ME1: variants seen among roughly 807,000 people sequenced by gnomAD.
ME1 encodes the protein malic enzyme 1.
ME1 carries 74 observed loss-of-function variants against 66.4 expected under a neutral mutation model. That is an observed-to-expected ratio of 1.11 (90% CI 0.92 to 1.35). The LOEUF is 1.35. Ranked by LOEUF, ME1 falls within the 40% of genes most tolerant of loss-of-function variation. ME1 has a pLI of 0.00. For missense variants in ME1, 750 were observed against 694.1 expected, an observed-to-expected ratio of 1.08 and a Z score of -0.90; for synonymous variants, 251 against 235.6, an observed-to-expected ratio of 1.07 and a Z score of -0.60.
At chr6:83,343,652 G>A (rs1247977291) in intron 5 of ME1, among the ~76,000 whole-genome samples, 2 of 152,150 alleles carry the variant, frequency 1.3e-5, no homozygotes, top group Non-Finnish European at 2.9e-5. Context: ...TAGATCTACA[G>A]CTGGTTAAAG....
At chr6:83,306,582 A>G (rs1767828724) in intron 6 of ME1, among the ~76,000 whole-genome samples, 1 of 152,116 alleles carries the variant, frequency 6.6e-6, no homozygotes, top group Admixed American at 6.6e-5. Flanking sequence ...ATTAAAACTC[A>G]AATCTTTAGT....
intron 3 of ME1, among the ~76,000 whole-genome samples, chr6:83,376,804 C>CAAAAAA (rs70987750): frequency 1.8e-4 from 16 of 87,132 alleles, no homozygotes; most frequent in Non-Finnish European, 1.5e-4. Flanking sequence ...CCCTGTCTCA[C>CAAAAAA]AAAAAAAAAA....
Position 83,216,615 on chromosome 6 carries a change from A to G in ME1, c.1450-19T>C. The G allele has an allele frequency of 6.5e-7, 1 of 1,542,148 alleles. No individual in the cohort carries two copies. The highest frequency in any genetic ancestry group is 8.8e-7 in the Non-Finnish European group (1 of 1,136,722). ...CTATAACCTTATGAAAAAAAGAAAGAAAAAAAGTGTTTATACTTCACACGA... is the reference window on the plus strand; with the variant it reads ...CTATAACCTTATGAAAAAAAGAAAGGAAAAAAGTGTTTATACTTCACACGA... On this transcript the variant is annotated intron_variant, in intron 12 of 13. Transcript: ENST00000369705.
chr6:83,219,217 G>A (rs1349812956), intron 12 of ME1, among the ~76,000 whole-genome samples: 2 of 152,174 alleles, frequency 1.3e-5, no homozygotes, highest in South Asian at 4.1e-4. Flanking sequence ...GTTCTGCAAA[G>A]GAGATGTGGC....
intron 3 of ME1, among the ~76,000 whole-genome samples, chr6:83,362,053 C>T (rs1347912512): frequency 2.0e-5 from 3 of 152,136 alleles, no homozygotes; most frequent in East Asian, 3.9e-4. Flanking sequence ...AGATAACACC[C>T]GAAAGTGGAC....
At chr6:83,263,527 C>CA (rs1325734800) in intron 6 of ME1, among the ~76,000 whole-genome samples, 4 of 151,872 alleles carry the variant, frequency 2.6e-5, no homozygotes, top group South Asian at 2.1e-4. Flanking sequence ...GATAAGAAAG[C>CA]AAAAAAAGTC....
intron 1 of ME1, among the ~76,000 whole-genome samples, chr6:83,429,953 C>T (rs1770452190): frequency 6.6e-6 from 1 of 151,996 alleles, no homozygotes; most frequent in African/African-American, 2.4e-5. Flanking sequence ...GGAACAATCC[C>T]GAGACAAACC....
chr6:83,409,705 G>A (rs544471827), intron 1 of ME1, among the ~76,000 whole-genome samples: 191 of 152,296 alleles, frequency 1.3e-3, no homozygotes, highest in African/African-American at 4.5e-3. Context: ...TGCAAGAGCG[G>A]GCTGGGACCA....
rs35205380 is a variant in ME1 at position 83,300,610 on chromosome 6, C to CTTTTTTTTTTT, written c.704+14689_704+14699dup. Among the ~76,000 whole-genome samples, 87 of 84,950 alleles carry CTTTTTTTTTTT rather than the reference C, an allele frequency of 1.0e-3. 3 individuals are homozygous for CTTTTTTTTTTT. The highest frequency in any genetic ancestry group is 1.8e-3 in the African/African-American group (39 of 21,554). The allele number at this position is 84,950 out of a possible 152,430, so 55.7% of individuals were successfully genotyped here. ...TTCTTTTATTTTCCTTTCTTTCTTT[C>CTTTTTTTTTTT]TTTTTTTTTTTTTTTTTTTTTTTGA... On this transcript the variant is annotated intron_variant, in intron 6 of 13. Coordinates refer to ENST00000369705, the MANE Select transcript of ME1 (RefSeq NM_002395.6).
chr6:83,275,741 C>A (rs367623984), intron 6 of ME1, among the ~76,000 whole-genome samples: 1 of 120,782 alleles, frequency 8.3e-6, no homozygotes, highest in East Asian at 2.6e-4. Context: ...CTGGGATTAC[C>A]GGTGTGAGCC....
intron 12 of ME1, among the ~76,000 whole-genome samples, chr6:83,223,283 CA>C (rs1324006478): frequency 6.6e-6 from 1 of 152,082 alleles, no homozygotes; most frequent in Non-Finnish European, 1.5e-5. Context: ...CCTCTTGAGT[CA>C]GGGGGGATCA....
chr6:83,349,556 C>T (rs979211327), intron 4 of ME1, among the ~76,000 whole-genome samples: 2 of 152,200 alleles, frequency 1.3e-5, no homozygotes, highest in African/African-American at 4.8e-5. Flanking sequence ...AAGATACTCT[C>T]CATGTGTCCT....
chr6:83,225,844 C>A (rs1274516595), intron 11 of ME1, among the ~76,000 whole-genome samples: 1 of 146,398 alleles, frequency 6.8e-6, no homozygotes, highest in African/African-American at 2.5e-5. Context: ...ATATCTCCCC[C>A]ACTCCTGCAC....
chr6:83,252,264 T>C (rs1018304444), intron 7 of ME1, among the ~76,000 whole-genome samples: 4 of 151,844 alleles, frequency 2.6e-5, no homozygotes, highest in Non-Finnish European at 5.9e-5. Context: ...TCTGTTGTTG[T>C]TGTTGTTGTT....
At chr6:83,248,413 C>T (rs1790660988) in intron 7 of ME1, among the ~76,000 whole-genome samples, 1 of 152,118 alleles carries the variant, frequency 6.6e-6, no homozygotes, top group African/African-American at 2.4e-5. Context: ...CACTGGTCTA[C>T]AAAGCATGTG....
At chr6:83,421,703 C>A (rs567383457) in intron 1 of ME1, among the ~76,000 whole-genome samples, 173 of 152,266 alleles carry the variant, frequency 1.1e-3, no homozygotes, top group African/African-American at 4.1e-3. Flanking sequence ...GAAGCCTTAT[C>A]TTTCTGGTCC....
intron 5 of ME1, among the ~76,000 whole-genome samples, chr6:83,317,551 A>G (rs1768058419): frequency 6.6e-6 from 1 of 151,770 alleles, no homozygotes; most frequent in African/African-American, 2.4e-5. Context: ...TTATCAGCTT[A>G]AGGAGATTTT....
At chr6:83,392,144 C>T (rs1310211350) in intron 3 of ME1, among the ~76,000 whole-genome samples, 1 of 152,230 alleles carries the variant, frequency 6.6e-6, no homozygotes. Flanking sequence ...GCTGCATCTT[C>T]TCGTGCATTG....
At chr6:83,297,908 C>G (rs1027110126) in intron 6 of ME1, among the ~76,000 whole-genome samples, 1 of 152,152 alleles carries the variant, frequency 6.6e-6, no homozygotes, top group East Asian at 1.9e-4. Context: ...CTTTTTATGG[C>G]TGCATAGTAT....
Sources: allele counts gnomAD v4.1 joint callset (sites outside exome capture counted in the v4.1 genomes callset), GRCh38; gene constraint gnomAD v4.1.1; transcripts MANE v1.5; gene names NCBI Gene and HGNC (gene_info 2026-07-23, HGNC 2026-07-21).